Variants in PIK3C3 observed in about 807,000 individuals in gnomAD.
PIK3C3 encodes the protein phosphatidylinositol 3-kinase catalytic subunit type 3.
In PIK3C3, 95 loss-of-function variants were observed where a neutral mutation model predicts 126.1. That is an observed-to-expected ratio of 0.75 (90% CI 0.64 to 0.89). PIK3C3 has a LOEUF of 0.89. Ranked by LOEUF, PIK3C3 falls within the 40% of genes least tolerant of loss-of-function variation. The pLI is 0.00. For missense variants in PIK3C3, 829 were observed against 1,063.2 expected (o/e 0.78, Z 3.06); for synonymous variants, 374 against 360.0 (o/e 1.04, Z -0.44).
intron 4 of PIK3C3, chr18:41,971,026 T>G (rs1483268947): frequency 6.5e-6 from 1 of 153,140 alleles, no homozygotes; most frequent in East Asian, 1.9e-4. Context: ...AGTTTCTTTG[T>G]AAGCAAATGA....
chr18:42,003,578 A>G (rs1982395469), intron 9 of PIK3C3, among the ~76,000 whole-genome samples: 1 of 152,170 alleles, frequency 6.6e-6, no homozygotes, highest in African/African-American at 2.4e-5. Context: ...CACCTGGCCA[A>G]GAAGTGTGTA....
intron 4 of PIK3C3, among the ~76,000 whole-genome samples, chr18:41,981,686 C>T (rs950167888): frequency 2.0e-5 from 3 of 151,754 alleles, no homozygotes; most frequent in Admixed American, 6.6e-5. Flanking sequence ...TTGGCCGGGC[C>T]TGGTGGCTCA....
chr18:42,076,171 TATATATGCAC>T (rs1452464468), intron 24 of PIK3C3, among the ~76,000 whole-genome samples: 7 of 128,332 alleles, frequency 5.5e-5, no homozygotes, highest in Admixed American at 1.6e-4. Context: ...TGCACATATA[TATATATGCAC>T]ATATATATAT....
intron 2 of PIK3C3, among the ~76,000 whole-genome samples, chr18:41,958,383 T>C (rs887093755): frequency 1.3e-5 from 2 of 152,074 alleles, no homozygotes; most frequent in Non-Finnish European, 2.9e-5. Context: ...GATCAGCGAG[T>C]GTTATTCAGC....
intron 20 of PIK3C3, among the ~76,000 whole-genome samples, chr18:42,048,935 G>A (rs1275871473): frequency 6.6e-6 from 1 of 152,132 alleles, no homozygotes; most frequent in Non-Finnish European, 1.5e-5. Flanking sequence ...TTCAATAAAT[G>A]CTAAATTTCC....
chr18:42,072,576 C>G (rs1985819767), intron 24 of PIK3C3, among the ~76,000 whole-genome samples: 1 of 152,158 alleles, frequency 6.6e-6, no homozygotes, highest in Non-Finnish European at 1.5e-5. Flanking sequence ...TGTCGCCCCC[C>G]ACTGGAGTGC....
intron 24 of PIK3C3, among the ~76,000 whole-genome samples, chr18:42,072,527 C>T (rs565247038): frequency 7.9e-5 from 12 of 152,136 alleles, no homozygotes; most frequent in Non-Finnish European, 1.5e-4. Context: ...CATTGTAACC[C>T]TTCTCTATGC....
intron 4 of PIK3C3, among the ~76,000 whole-genome samples, chr18:41,981,962 C>A (rs1311492792): frequency 6.6e-6 from 1 of 151,322 alleles, no homozygotes; most frequent in Non-Finnish European, 1.5e-5. Context: ...CCAGTCTAGG[C>A]AACAGAGTGA....
intron 24 of PIK3C3, among the ~76,000 whole-genome samples, chr18:42,076,161 T>TATATATGC (rs1568013817): frequency 0.03 from 2,934 of 96,804 alleles, 327 homozygotes; most frequent in African/African-American, 0.14. Flanking sequence ...TATATATATA[T>TATATATGC]GCACATATAT....
At chr18:42,000,676 C>T (rs1259628314) in intron 9 of PIK3C3, among the ~76,000 whole-genome samples, 1 of 152,090 alleles carries the variant, frequency 6.6e-6, no homozygotes, top group Non-Finnish European at 1.5e-5. Flanking sequence ...TTTCATGTGA[C>T]TGGGGAGGCC....
chr18:41,971,468 AT>A (rs1490433904), intron 4 of PIK3C3: 1 of 152,146 alleles, frequency 6.6e-6, no homozygotes, highest in Non-Finnish European at 1.5e-5. Flanking sequence ...CCTGATAACT[AT>A]ATTGACCAAT....
intron 21 of PIK3C3, among the ~76,000 whole-genome samples, chr18:42,055,079 T>C (rs1243935881): frequency 6.6e-6 from 1 of 152,062 alleles, no homozygotes; most frequent in African/African-American, 2.4e-5. Flanking sequence ...TTCATCCCCA[T>C]TGATGGAGAT....
chr18:42,012,421 A>T (rs939030124), intron 10 of PIK3C3, among the ~76,000 whole-genome samples: 1 of 152,200 alleles, frequency 6.6e-6, no homozygotes, highest in African/African-American at 2.4e-5. Context: ...AGGAGACTGA[A>T]GTTGAGTTGG....
At chr18:42,057,440 G>A (rs937307062) in intron 21 of PIK3C3, among the ~76,000 whole-genome samples, 11 of 151,892 alleles carry the variant, frequency 7.2e-5, no homozygotes, top group Non-Finnish European at 1.6e-4. Context: ...TTTTTTTTGA[G>A]TAATAATAAG....
At chr18:42,037,111 G>A (rs1228198538) in intron 16 of PIK3C3, among the ~76,000 whole-genome samples, 1 of 152,166 alleles carries the variant, frequency 6.6e-6, no homozygotes. Flanking sequence ...ATCCGGGGAA[G>A]TCCAAAATCC....
chr18:42,013,816 A>T (rs1982942920), intron 11 of PIK3C3, among the ~76,000 whole-genome samples: 1 of 152,060 alleles, frequency 6.6e-6, no homozygotes, highest in African/African-American at 2.4e-5. Flanking sequence ...AAAAATCTTG[A>T]CTCTGCCACT....
chr18:42,029,528 A>G, intron 15 of PIK3C3, 87 bp downstream of exon 15: 1 of 514,970 alleles, frequency 1.9e-6, no homozygotes, highest in South Asian at 2.4e-5. Flanking sequence ...TTGGGTTGAT[A>G]CGTGAATTTT....
At chr18:41,988,548 GAGA>G (rs1289334106) in intron 5 of PIK3C3, among the ~76,000 whole-genome samples, 3 of 152,184 alleles carry the variant, frequency 2.0e-5, no homozygotes, top group Admixed American at 6.6e-5. Context: ...CAAATTAGGA[GAGA>G]AGGACATCAA....
rs1980159729 is a variant in PIK3C3 at position 41,962,719 on chromosome 18, T to C, written c.401+87T>C. 3 of 1,300,570 alleles carry C rather than the reference T, an allele frequency of 2.3e-6. No individual in the cohort carries two copies. The Admixed American group carries it at 6.4e-5, about 28-fold the overall frequency. The allele number at this position is 1,300,570 out of a possible 1,614,324, so 80.6% of individuals were successfully genotyped here. A position where few individuals can be genotyped will look rare whatever the true frequency, so the allele number is the denominator to read the frequency against. Reference sequence around the variant, plus strand: ...GGAATGAGGGAAGGCTTTAATAGTTTATGCTCAGTCTCCAGTGTAAACCAG... The same window carrying C: ...GGAATGAGGGAAGGCTTTAATAGTTCATGCTCAGTCTCCAGTGTAAACCAG... On this transcript the variant is annotated intron_variant, in intron 3 of 24. Transcript: ENST00000262039.
Sources: allele counts gnomAD v4.1 joint callset (sites outside exome capture counted in the v4.1 genomes callset), GRCh38; gene constraint gnomAD v4.1.1; transcripts MANE v1.5; gene names NCBI Gene and HGNC (gene_info 2026-07-23, HGNC 2026-07-21).